Variants in DMD observed in about 807,000 individuals in gnomAD.
The protein encoded by DMD is mutant dystrophin.
DMD carries 63 observed loss-of-function variants against 330.1 expected under a neutral mutation model. That is an observed-to-expected ratio of 0.19 (90% CI 0.16 to 0.24). The LOEUF (loss-of-function observed/expected upper bound fraction) is 0.24, where lower values mean the gene tolerates loss of function less well. Among genes scored for constraint, DMD ranks in the 10% least tolerant of loss-of-function variants. DMD has a pLI of 1.00. For missense variants in DMD, 3,344 were observed against 2,684.1 expected (o/e 1.25, Z -5.43); for synonymous variants, 1,223 against 959.8 (o/e 1.27, Z -5.07).
intron 40 of DMD, among the ~76,000 whole-genome samples, 168 bp from the exon 41 acceptor site, chrX:32,342,450 C>T (rs1010693375): frequency 8.9e-6 from 1 of 111,959 alleles, no homozygotes; most frequent in Non-Finnish European, 1.9e-5. Flanking sequence ...CTCAATAACC[C>T]AAATATTATT....
Position 33,018,685 on chromosome X carries a change from C to G in DMD, c.93+1454G>C, listed in dbSNP as rs964322599. 7.2e-5 allele frequency among the ~76,000 whole-genome samples: 8 copies of G among 111,593 alleles called. 1 individual carries two copies. The highest frequency in any genetic ancestry group is 2.3e-4 in the African/African-American group (7 of 30,812). Reference sequence around the variant, plus strand: ...AAATTTCTTCACAATTCTGATTTGTCTGTATGTTTGTTTGAAAATATGTCT... The same window carrying G: ...AAATTTCTTCACAATTCTGATTTGTGTGTATGTTTGTTTGAAAATATGTCT... On this transcript the variant is annotated intron_variant, in intron 2 of 78. Transcript: ENST00000357033.
At chrX:31,622,433 T>C (rs2078585672) in intron 55 of DMD, among the ~76,000 whole-genome samples, 1 of 111,666 alleles carries the variant, frequency 9.0e-6, no homozygotes, top group Non-Finnish European at 1.9e-5. Flanking sequence ...TTCATTTCTA[T>C]CTTAAAAATA....
At chrX:31,657,406 C>T (rs2080848417) in intron 54 of DMD, among the ~76,000 whole-genome samples, 3 of 111,607 alleles carry the variant, frequency 2.7e-5, no homozygotes, top group African/African-American at 9.8e-5. Context: ...GGAATAAATG[C>T]TAGTGAAAAA....
chrX:31,834,503 G>A (rs761419455), intron 49 of DMD, among the ~76,000 whole-genome samples: 4 of 111,705 alleles, frequency 3.6e-5, no homozygotes, highest in African/African-American at 6.5e-5. Context: ...GCAACAGCGC[G>A]ATCTCGGCTC....
intron 44 of DMD, among the ~76,000 whole-genome samples, chrX:32,205,005 T>TCTCTCTCTCTCACACA (rs60181300): frequency 1.0e-4 from 3 of 29,223 alleles, no homozygotes; most frequent in Non-Finnish European, 1.4e-4. Flanking sequence ...TCTCTCTCTC[T>TCTCTCTCTCTCACACA]CACATACACA....
intron 12 of DMD, among the ~76,000 whole-genome samples, 173 bp downstream of exon 12, chrX:32,614,130 A>C (rs923941329): frequency 1.8e-5 from 2 of 111,132 alleles, no homozygotes; most frequent in African/African-American, 6.5e-5. Context: ...GGACTTATTC[A>C]AGCCATTGCA....
chrX:31,364,893 C>T (rs1267704764), intron 60 of DMD, among the ~76,000 whole-genome samples: 1 of 110,111 alleles, frequency 9.1e-6, no homozygotes, highest in Non-Finnish European at 1.9e-5. Context: ...ATTAGGAGAT[C>T]GAGGCCATCC....
At chrX:33,282,438 G>T (rs2053349549) in intron 1 of DMD, among the ~76,000 whole-genome samples, 1 of 111,214 alleles carries the variant, frequency 9.0e-6, no homozygotes, top group East Asian at 2.8e-4. Flanking sequence ...AGACCCACAG[G>T]AACAAAGAGG....
chrX:33,138,475 T>C (rs1014196733), intron 1 of DMD, among the ~76,000 whole-genome samples: 1 of 111,800 alleles, frequency 8.9e-6, no homozygotes, highest in Admixed American at 9.5e-5. Context: ...GCTATATAGC[T>C]GGAAAGAGAT....
chrX:31,884,046 G>A (rs1484035159), intron 47 of DMD, among the ~76,000 whole-genome samples: 4 of 111,480 alleles, frequency 3.6e-5, no homozygotes, highest in Non-Finnish European at 7.5e-5. Flanking sequence ...AATGTTGATG[G>A]GAATGTAAAT....
At chrX:33,037,420 T>TA (rs2094223550) in intron 1 of DMD, among the ~76,000 whole-genome samples, 1 of 111,130 alleles carries the variant, frequency 9.0e-6, no homozygotes, top group Admixed American at 9.6e-5. Context: ...TTATCTGCCA[T>TA]AAACACATGA....
chrX:31,654,888 C>T (rs919187744), intron 54 of DMD, among the ~76,000 whole-genome samples: 1 of 109,546 alleles, frequency 9.1e-6, no homozygotes, highest in Non-Finnish European at 1.9e-5. Flanking sequence ...AACAAACCTG[C>T]ACATGTACCC....
intron 41 of DMD, among the ~76,000 whole-genome samples, chrX:32,341,415 G>T (rs1262999345): frequency 8.9e-6 from 1 of 111,765 alleles, no homozygotes; most frequent in Non-Finnish European, 1.9e-5. Context: ...ATTCTGAATC[G>T]CCTTTTTAAA....
At position 32,143,691 on chromosome X, in the gene DMD, C is replaced by T. The variant is rs957359149; in HGVS notation, c.6438+73225G>A. 1.0e-4 allele frequency among the ~76,000 whole-genome samples: 11 copies of T among 107,180 alleles called. No individual in the cohort carries two copies. The East Asian group carries it at 1.8e-3, about 17-fold the overall frequency. 93.1% of individuals were successfully genotyped at this position (107,180 alleles called of 115,157 possible). On this transcript the variant is annotated intron_variant, in intron 44 of 78. Transcript: ENST00000357033. ...CCGAGTAGCTGGGACCACAGGCGCC[C>T]GCCACCACGCATGGCTAATTTTTTT... is the stretch of plus-strand genomic sequence containing the variant.
chrX:33,084,432 A>T (rs892464012), intron 1 of DMD, among the ~76,000 whole-genome samples: 1 of 112,262 alleles, frequency 8.9e-6, no homozygotes, highest in Non-Finnish European at 1.9e-5. Flanking sequence ...CGGTCTCCCC[A>T]GGCATTCGGG....
At chrX:31,773,516 T>C (rs1486828207) in intron 51 of DMD, among the ~76,000 whole-genome samples, 1 of 111,505 alleles carries the variant, frequency 9.0e-6, no homozygotes, top group Non-Finnish European at 1.9e-5. Context: ...AGAAGGCAAA[T>C]TGGCACAGAC....
In DMD at chrX:32,343,272, T is replaced by G. The variant is rs1057519179; in HGVS notation, c.5601A>C (p.Gln1867His). ...AAATTTCTAGAGCCTTTTTTCTTCT[T>G]TGAGACCTCAAATCCTGTTCATGGT... ...KHNALKDLRS[Q>H]RRKKALEISH... is the part of the protein sequence containing the mutation. The change falls in exon 40 of 79, where the codon CAA (glutamine) becomes CAC (histidine). Residue 1867 changes from glutamine (Q) to histidine (H), a missense_variant. Coordinates refer to ENST00000357033, the MANE Select transcript of DMD (RefSeq NM_004006.3). The G allele has an allele frequency of 5.0e-6, 6 of 1,207,363 alleles. No homozygotes were observed. The highest frequency in any genetic ancestry group is 2.3e-4 in the Middle Eastern group (1 of 4,336).
rs73466859 is a variant in DMD, at chrX:32,935,902, T to C, written c.93+84237A>G. 5.9e-3 allele frequency among the ~76,000 whole-genome samples: 661 copies of C among 111,673 alleles called. 9 individuals are homozygous for C. The highest frequency in any genetic ancestry group is 0.02 in the African/African-American group (630 of 30,737). Reference sequence around the variant, plus strand: ...TATGAATAATCCATAAATCTCATTTTAATGATTTCACTAGAAAGCATTAAA... The same window carrying C: ...TATGAATAATCCATAAATCTCATTTCAATGATTTCACTAGAAAGCATTAAA... On this transcript the variant is annotated intron_variant, in intron 2 of 78. Transcript: ENST00000357033.
intron 9 of DMD, among the ~76,000 whole-genome samples, chrX:32,652,489 G>C (rs954334481): frequency 4.5e-5 from 5 of 110,286 alleles, no homozygotes; most frequent in Non-Finnish European, 9.5e-5. Context: ...TGGCTGCATA[G>C]TATTTCATGG....
Sources: gnomAD v4.1 joint callset for allele counts (sites outside exome capture counted in the v4.1 genomes callset) on GRCh38, gnomAD v4.1.1 for gene constraint, MANE v1.5 for transcripts, NCBI Gene and HGNC (gene_info 2026-07-23, HGNC 2026-07-21) for gene names.